Variants in PDLIM2 observed in about 807,000 individuals in gnomAD.
The protein encoded by PDLIM2 is PDZ and LIM domain 2, also known as PDZ and LIM domain protein 2.
In PDLIM2, 51 loss-of-function variants were observed where a neutral mutation model predicts 54.1. That is an observed-to-expected ratio of 0.94 (90% CI 0.75 to 1.19). The LOEUF is 1.19. Ranked by LOEUF, PDLIM2 falls within the 50% of genes most tolerant of loss-of-function variation. PDLIM2 has a pLI of 0.00. For synonymous variants in PDLIM2, 398 were observed against 385.6 expected, an observed-to-expected ratio of 1.03 and a Z score of -0.38; for missense variants, 912 against 874.0, an observed-to-expected ratio of 1.04 and a Z score of -0.55.
intron 7 of PDLIM2, 90 bp downstream of exon 6, chr8:22,589,464 C>A: frequency 6.5e-7 from 1 of 1,528,862 alleles, no homozygotes; most frequent in South Asian, 1.2e-5. Flanking sequence ...GGATGGGGTC[C>A]CCCAAGCCCA....
At chr8:22,581,111 A>G (rs1800188139) in intron 2 of PDLIM2, 2 of 680,086 alleles carry the variant, frequency 2.9e-6, no homozygotes, top group Non-Finnish European at 5.5e-6. Flanking sequence ...TCTCTATCCA[A>G]AAGTATTTCC....
chr8:22,583,852 TAGAAA>T (rs1800284995), intron 3 of PDLIM2, among the ~76,000 whole-genome samples: 2 of 7,320 alleles, frequency 2.7e-4, no homozygotes, highest in Non-Finnish European at 5.1e-4. Context: ...CCAGGCAAAA[TAGAAA>T]AAAAAAAAAA....
chr8:22,581,398 C>G, exon 3 of PDLIM2: 1 of 1,605,808 alleles, frequency 6.2e-7, no homozygotes, highest in Non-Finnish European at 8.5e-7. Flanking sequence ...CGGGGCAAAG[C>G]CAAGGACGCT....
chr8:22,582,001 T>A (rs1307227221), intron 3 of PDLIM2, among the ~76,000 whole-genome samples: 1 of 152,208 alleles, frequency 6.6e-6, no homozygotes, highest in Non-Finnish European at 1.5e-5. Flanking sequence ...AGGCTGTCTG[T>A]TCCTCCCCAT....
chr8:22,585,195 C>T (rs1800340346), intron 5 of PDLIM2, 33 bp downstream of exon 4: 8 of 1,609,200 alleles, frequency 5.0e-6, no homozygotes, highest in Non-Finnish European at 6.8e-6. Context: ...ACCCTGGTCG[C>T]CTGCGCTGCC....
exon 4 of PDLIM2, chr8:22,584,858 A>C (rs1299498125): frequency 6.2e-7 from 1 of 1,614,040 alleles, no homozygotes; most frequent in African/African-American, 1.3e-5. Flanking sequence ...CAATGGGGAC[A>C]GCTCCTTGGA....
chr8:22,589,666 C>T (rs1206378063), exon 8 of PDLIM2: 5 of 1,582,596 alleles, frequency 3.2e-6, no homozygotes, highest in Admixed American at 1.8e-5. Flanking sequence ...GCAGGAAAAT[C>T]GCGAGGGACG....
downstream of PDLIM2, chr8:22,594,780 G>C (rs977830420): frequency 1.7e-5 from 24 of 1,381,796 alleles, no homozygotes; most frequent in African/African-American, 3.1e-4. Context: ...TTTGGAGGGG[G>C]GAAAAAGGGC....
chr8:22,593,826 C>T (rs1800621582), exon 10 of PDLIM2: 1 of 1,596,576 alleles, frequency 6.3e-7, no homozygotes. Context: ...TGCGCGGGCA[C>T]TTCTGGGTGG....
chr8:22,579,110 G>A (rs1800113256), exon 1 of PDLIM2: 2 of 1,273,660 alleles, frequency 1.6e-6, no homozygotes, highest in Non-Finnish European at 9.9e-7. Context: ...AGGTCCGGGA[G>A]CCCCGGGCGG....
chr8:22,589,864 C>G (rs534316064), intron 8 of PDLIM2, 123 bp downstream of exon 7: 1 of 1,350,708 alleles, frequency 7.4e-7, no homozygotes, highest in Non-Finnish European at 1.0e-6. Flanking sequence ...GGACTAGGCA[C>G]GGAGCCGAGC....
chr8:22,589,539 T>G, intron 7 of PDLIM2, 57 bp from the exon 7 acceptor site: 1 of 1,097,008 alleles, frequency 9.1e-7, no homozygotes, highest in Non-Finnish European at 1.3e-6. Context: ...CCCCACCCCC[T>G]TGCTTGCCTA....
chr8:22,580,363 C>G (rs1450494768), intron 1 of PDLIM2, 112 bp from the exon 1 acceptor site: 1 of 1,024,054 alleles, frequency 9.8e-7, no homozygotes, highest in Non-Finnish European at 1.3e-6. Flanking sequence ...GAGTCGCTCC[C>G]TGGGCTGAAG....
chr8:22,583,620 G>T (rs891363155), intron 3 of PDLIM2, among the ~76,000 whole-genome samples: 1 of 151,904 alleles, frequency 6.6e-6, no homozygotes, highest in Non-Finnish European at 1.5e-5. Flanking sequence ...ACAAAAATTA[G>T]CCGGGCATGC....
chr8:22,597,123 C>T (rs555397554), downstream of PDLIM2: 7 of 152,306 alleles, frequency 4.6e-5, no homozygotes, highest in Non-Finnish European at 1.0e-4. Context: ...AAACCCACTT[C>T]CTGAAGCCAG....
At chr8:22,589,619 T>C in exon 8 of PDLIM2, 2 of 1,601,438 alleles carry the variant, frequency 1.2e-6, no homozygotes, top group Non-Finnish European at 1.7e-6. Context: ...GGGGGAAGCC[T>C]CCTCCTGGAC....
Position 22,579,645 on chromosome 8 carries a change from C to T in PDLIM2, c.748+118C>T. 7 of 1,181,596 alleles carry T rather than the reference C, an allele frequency of 5.9e-6. No individual in the cohort carries two copies. In the South Asian group the frequency reaches 1.3e-4, roughly 22 times the overall value. The allele number at this position is 1,181,596 out of a possible 1,614,324, so 73.2% of individuals were successfully genotyped here. On this transcript the variant is annotated intron_variant, in intron 1 of 9. Coordinates refer to ENST00000308354, the Ensembl canonical transcript of PDLIM2. ...GGCAGCCGGGGATGGAGCGGACAGA[C>T]CGCTGGTGCTCTTGATAGATTCTCG...
intron 3 of PDLIM2, among the ~76,000 whole-genome samples, chr8:22,581,856 AG>A (rs1350791773): frequency 6.6e-6 from 1 of 152,220 alleles, no homozygotes; most frequent in Non-Finnish European, 1.5e-5. Flanking sequence ...GTGGGCATGA[AG>A]TGGGTTGAAG....
At chr8:22,594,587 G>T, downstream of PDLIM2, 5 of 1,614,086 alleles carry the variant, frequency 3.1e-6, no homozygotes, top group Non-Finnish European at 4.2e-6. Flanking sequence ...GGAGGGGATG[G>T]TGGAGGGCGC....
Sources: allele counts gnomAD v4.1 joint callset (sites outside exome capture counted in the v4.1 genomes callset), GRCh38; gene constraint gnomAD v4.1.1; transcripts MANE v1.5; gene names NCBI Gene and HGNC (gene_info 2026-07-23, HGNC 2026-07-21).